Variants in NR2F1-AS1 observed in about 807,000 individuals in gnomAD.
The protein encoded by NR2F1-AS1 is NR2F1 antisense RNA 1.
intron 4 of NR2F1-AS1, chr5:93,553,649 T>G (rs894107837): frequency 1.3e-5 from 2 of 152,250 alleles, no homozygotes; most frequent in African/African-American, 2.4e-5. Flanking sequence ...TGGTTCAACA[T>G]TCCAATAATG....
intron 4 of NR2F1-AS1, among the ~76,000 whole-genome samples, chr5:93,523,022 G>A (rs1011486970): frequency 6.6e-6 from 1 of 152,038 alleles, no homozygotes; most frequent in Non-Finnish European, 1.5e-5. Context: ...CCTGGAAAGG[G>A]GGCTAAAGCC....
At chr5:93,569,673 T>C (rs903002931) in intron 1 of NR2F1-AS1, among the ~76,000 whole-genome samples, 1 of 152,168 alleles carries the variant, frequency 6.6e-6, no homozygotes, top group African/African-American at 2.4e-5. Flanking sequence ...TATAAAAGTT[T>C]CCACAGTGTA....
At chr5:93,573,948 T>C (rs1196163819) in intron 1 of NR2F1-AS1, among the ~76,000 whole-genome samples, 5 of 152,226 alleles carry the variant, frequency 3.3e-5, no homozygotes, top group African/African-American at 4.8e-5. Context: ...ATGTTCTAAA[T>C]AGATGATAGT....
chr5:93,509,742 T>C (rs1490567565), intron 4 of NR2F1-AS1, among the ~76,000 whole-genome samples: 2 of 152,038 alleles, frequency 1.3e-5, no homozygotes, highest in African/African-American at 4.8e-5. Context: ...TTTCAGTATG[T>C]TTGAAATTTT....
intron 4 of NR2F1-AS1, among the ~76,000 whole-genome samples, chr5:93,424,431 ATTTAT>A (rs1749154613): frequency 1.3e-5 from 2 of 151,866 alleles, no homozygotes; most frequent in African/African-American, 2.4e-5. Context: ...AACTAGCCAT[ATTTAT>A]ACTCCTTCTT....
chr5:93,564,655 T>C (rs1038159187), intron 1 of NR2F1-AS1, among the ~76,000 whole-genome samples: 2 of 152,160 alleles, frequency 1.3e-5, no homozygotes, highest in South Asian at 2.1e-4. Context: ...GATTTGAACA[T>C]AGTATAAACT....
chr5:93,490,204 A>C (rs1561465078), intron 4 of NR2F1-AS1, among the ~76,000 whole-genome samples: 1 of 152,252 alleles, frequency 6.6e-6, no homozygotes, highest in East Asian at 1.9e-4. Flanking sequence ...TACATGTATA[A>C]ATAAGTTATT....
chr5:93,510,255 T>C (rs757235281), intron 4 of NR2F1-AS1, among the ~76,000 whole-genome samples: 7 of 152,154 alleles, frequency 4.6e-5, no homozygotes, highest in Non-Finnish European at 8.8e-5. Flanking sequence ...TCGTACAGGC[T>C]GAACTAAAGA....
intron 4 of NR2F1-AS1, among the ~76,000 whole-genome samples, chr5:93,446,844 C>T (rs1749722036): frequency 6.6e-6 from 1 of 152,070 alleles, no homozygotes; most frequent in Non-Finnish European, 1.5e-5. Context: ...GGTACTGGTA[C>T]CAAAACAGAG....
At chr5:93,463,386 G>A (rs1457948113) in intron 4 of NR2F1-AS1, among the ~76,000 whole-genome samples, 1 of 152,220 alleles carries the variant, frequency 6.6e-6, no homozygotes, top group African/African-American at 2.4e-5. Flanking sequence ...ATGCCCGGAT[G>A]TCCAGGCAGA....
intron 4 of NR2F1-AS1, among the ~76,000 whole-genome samples, chr5:93,502,548 G>A (rs2149886492): frequency 6.6e-6 from 1 of 151,858 alleles, no homozygotes; most frequent in East Asian, 1.9e-4. Context: ...GCCCATGTAA[G>A]TAGTGAAGTT....
At chr5:93,416,033 C>T (rs1437975700) in intron 4 of NR2F1-AS1, among the ~76,000 whole-genome samples, 5 of 152,212 alleles carry the variant, frequency 3.3e-5, no homozygotes, top group African/African-American at 1.2e-4. Flanking sequence ...ATGGATTCTA[C>T]AAGCTGTGTA....
At chr5:93,506,628 A>G (rs1751190502) in intron 4 of NR2F1-AS1, among the ~76,000 whole-genome samples, 2 of 152,160 alleles carry the variant, frequency 1.3e-5, no homozygotes, top group South Asian at 4.1e-4. Flanking sequence ...CAAGCCCATC[A>G]TATTTCGTGA....
At position 93,482,263 on chromosome 5, in the gene NR2F1-AS1, T is replaced by C. The variant is rs190508841; in HGVS notation, n.638+71498A>G. Among the ~76,000 whole-genome samples, 319 of 152,212 alleles carry C rather than the reference T, an allele frequency of 2.1e-3. 3 individuals carry two copies. Among genetic ancestry groups the C allele is most frequent in the African/African-American group, 7.3e-3 (303 of 41,548 alleles). On this transcript the variant is annotated intron_variant and non_coding_transcript_variant, in intron 4 of 5. Coordinates refer to ENST00000660523, the Ensembl canonical transcript of NR2F1-AS1. Reference sequence around the variant, plus strand: ...CAACTGAGGTACCTGACTCATCTCATTGGGACAGGTTAGACGGTGGGTGCA... The same window carrying C: ...CAACTGAGGTACCTGACTCATCTCACTGGGACAGGTTAGACGGTGGGTGCA...
chr5:93,415,766 T>C (rs1748955024), intron 4 of NR2F1-AS1, among the ~76,000 whole-genome samples: 1 of 152,220 alleles, frequency 6.6e-6, no homozygotes, highest in African/African-American at 2.4e-5. Context: ...AAAAGCCTGA[T>C]TTTTATAACA....
intron 4 of NR2F1-AS1, among the ~76,000 whole-genome samples, chr5:93,458,865 A>C (rs1356055325): frequency 2.0e-5 from 3 of 151,976 alleles, no homozygotes; most frequent in African/African-American, 4.8e-5. Flanking sequence ...CAAAAAAATT[A>C]GCTGGGTATG....
chr5:93,507,114 CA>C (rs1751200777), intron 4 of NR2F1-AS1, among the ~76,000 whole-genome samples: 1 of 151,932 alleles, frequency 6.6e-6, no homozygotes, highest in African/African-American at 2.4e-5. Context: ...AAGATCATTT[CA>C]AAAGACACAG....
At chr5:93,581,750 CT>C (rs1471715004), upstream of NR2F1-AS1, among the ~76,000 whole-genome samples, 10 of 53,144 alleles carry the variant, frequency 1.9e-4, no homozygotes, top group African/African-American at 7.4e-4. Context: ...CTCCCTCTCC[CT>C]CTCCCTCTCC....
chr5:93,495,136 A>G (rs539550698), intron 4 of NR2F1-AS1, among the ~76,000 whole-genome samples: 3 of 152,304 alleles, frequency 2.0e-5, no homozygotes, highest in Admixed American at 2.0e-4. Context: ...GATTCTTTCA[A>G]ACATCATGCA....
Sources: gnomAD v4.1 joint callset for allele counts (sites outside exome capture counted in the v4.1 genomes callset) on GRCh38, gnomAD v4.1.1 for gene constraint, MANE v1.5 for transcripts, NCBI Gene and HGNC (gene_info 2026-07-23, HGNC 2026-07-21) for gene names.